The following SGCZ variants were observed in gnomAD, a reference collection of about 807,000 sequenced individuals.
SGCZ encodes the protein sarcoglycan zeta, also known as zeta-sarcoglycan.
A neutral mutation model predicts 41.3 loss-of-function variants in SGCZ; 40 were observed. The ratio of observed to expected loss-of-function variants is 0.97; its 90% CI spans 0.75 to 1.26. The LOEUF (loss-of-function observed/expected upper bound fraction) is 1.26, where lower values mean the gene tolerates loss of function less well. SGCZ is among the 50% of genes most tolerant of loss of function. The pLI is 0.00. For synonymous variants in SGCZ, 206 were observed against 137.5 expected, an observed-to-expected ratio of 1.50 and a Z score of -3.49; for missense variants, 552 against 369.8, an observed-to-expected ratio of 1.49 and a Z score of -4.04.
At chr8:14,177,143 C>T (rs1804567773) in intron 4 of SGCZ, among the ~76,000 whole-genome samples, 1 of 152,056 alleles carries the variant, frequency 6.6e-6, no homozygotes, top group Admixed American at 6.6e-5. Flanking sequence ...GTGGAGTTGC[C>T]TCGCTGCTTG....
At chr8:14,278,902 G>A (rs1187305374) in intron 3 of SGCZ, among the ~76,000 whole-genome samples, 1 of 152,100 alleles carries the variant, frequency 6.6e-6, no homozygotes, top group Non-Finnish European at 1.5e-5. Flanking sequence ...TAAATGGTCA[G>A]CCCACAAAAT....
intron 1 of SGCZ, among the ~76,000 whole-genome samples, chr8:14,716,788 C>T (rs1309435993): frequency 6.6e-6 from 1 of 152,016 alleles, no homozygotes; most frequent in Non-Finnish European, 1.5e-5. Flanking sequence ...CCTTGTGGCA[C>T]CAAATGGGAA....
At chr8:14,931,371 T>A (rs1323503392) in intron 1 of SGCZ, among the ~76,000 whole-genome samples, 3 of 152,094 alleles carry the variant, frequency 2.0e-5, no homozygotes, top group Non-Finnish European at 2.9e-5. Context: ...TTATTTGTGT[T>A]TTAACAATAA....
At chr8:15,073,357 G>T (rs1218500214) in intron 1 of SGCZ, among the ~76,000 whole-genome samples, 1 of 152,146 alleles carries the variant, frequency 6.6e-6, no homozygotes, top group Admixed American at 6.5e-5. Flanking sequence ...GAAGAGGAAA[G>T]AGAGAGGATG....
At chr8:14,846,530 TA>T (rs1393919094) in intron 1 of SGCZ, among the ~76,000 whole-genome samples, 1 of 151,900 alleles carries the variant, frequency 6.6e-6, no homozygotes. Context: ...AAAGAAAAAT[TA>T]AAACATATGA....
Position 14,980,866 on chromosome 8 carries a change from T to C in SGCZ, c.39+256719A>G, listed in dbSNP as rs772547181. ...AATAATCTGTCTCTCTATCTATCTT[T>C]TATCTATCCATGCATACTTGTGCTA... On this transcript the variant is annotated intron_variant, in intron 1 of 7. Coordinates refer to ENST00000382080, the MANE Select transcript of SGCZ (RefSeq NM_139167.4). 8.0e-3 allele frequency among the ~76,000 whole-genome samples: 1,212 copies of C among 152,300 alleles called. 11 individuals carry two copies. The highest frequency in any genetic ancestry group is 0.028 in the African/African-American group (1,157 of 41,578).
intron 5 of SGCZ, among the ~76,000 whole-genome samples, chr8:14,122,623 T>C (rs1245710584): frequency 6.6e-6 from 1 of 152,222 alleles, no homozygotes; most frequent in Non-Finnish European, 1.5e-5. Flanking sequence ...TAAAAATGAA[T>C]ATTAAATATC....
intron 1 of SGCZ, among the ~76,000 whole-genome samples, chr8:14,983,231 G>A (rs1801727696): frequency 1.3e-5 from 2 of 150,326 alleles, no homozygotes; most frequent in African/African-American, 4.9e-5. Flanking sequence ...TCTCGCCCAG[G>A]CTGGAGTGCA....
rs557879019 is a variant in SGCZ, at chr8:14,770,835, T to C, written c.40-215909A>G. 2.0e-5 allele frequency among the ~76,000 whole-genome samples: 3 copies of C among 152,214 alleles called. No individual in the cohort carries two copies. In the South Asian group the frequency reaches 6.2e-4, roughly 32 times the overall value. On this transcript the variant is annotated intron_variant, in intron 1 of 7. Transcript: ENST00000382080. ...TCTCTTAAAGGCACAAATAAATAAG[T>C]ACATGCCTGATGTATCCAGGGAATC...
At chr8:14,962,657 G>C (rs1358515857) in intron 1 of SGCZ, among the ~76,000 whole-genome samples, 1 of 152,118 alleles carries the variant, frequency 6.6e-6, no homozygotes, top group Admixed American at 6.6e-5. Context: ...AAGTAACACA[G>C]TCACTAATCA....
At chr8:14,114,050 T>C (rs1163785625) in intron 5 of SGCZ, among the ~76,000 whole-genome samples, 1 of 152,070 alleles carries the variant, frequency 6.6e-6, no homozygotes, top group Non-Finnish European at 1.5e-5. Context: ...TACTGGTATA[T>C]ATTTCTAACA....
intron 3 of SGCZ, among the ~76,000 whole-genome samples, chr8:14,245,544 T>C (rs1799055835): frequency 6.6e-6 from 1 of 152,152 alleles, no homozygotes; most frequent in Non-Finnish European, 1.5e-5. Context: ...GGCAAGGACT[T>C]CATGTCTAAA....
chr8:14,778,894 T>C, intron 1 of SGCZ, among the ~76,000 whole-genome samples: 1 of 152,206 alleles, frequency 6.6e-6, no homozygotes, highest in Non-Finnish European at 1.5e-5. Flanking sequence ...ATATCGCCAT[T>C]CGTGAAAACA....
At chr8:15,159,041 G>C (rs766324839) in intron 1 of SGCZ, among the ~76,000 whole-genome samples, 2 of 152,138 alleles carry the variant, frequency 1.3e-5, no homozygotes, top group Non-Finnish European at 2.9e-5. Flanking sequence ...CTTCAGGATG[G>C]GAGCTGGTCA....
chr8:14,110,781 A>C (rs1225915035), intron 5 of SGCZ, among the ~76,000 whole-genome samples: 2 of 152,114 alleles, frequency 1.3e-5, no homozygotes, highest in African/African-American at 4.8e-5. Context: ...GAAAATGCAC[A>C]GTGGCTCGTG....
At chr8:14,347,264 C>T (rs1802920825) in intron 2 of SGCZ, among the ~76,000 whole-genome samples, 3 of 152,236 alleles carry the variant, frequency 2.0e-5, no homozygotes, top group Middle Eastern at 3.4e-3. Flanking sequence ...GGCAGAATTC[C>T]TACACTGAAG....
intron 7 of SGCZ, among the ~76,000 whole-genome samples, chr8:14,098,511 C>T (rs1801913402): frequency 6.6e-6 from 1 of 152,078 alleles, no homozygotes; most frequent in African/African-American, 2.4e-5. Flanking sequence ...TTGTGTAGTT[C>T]AGTCCCTTTT....
At chr8:15,073,321 T>C (rs1805420454) in intron 1 of SGCZ, among the ~76,000 whole-genome samples, 1 of 152,202 alleles carries the variant, frequency 6.6e-6, no homozygotes, top group African/African-American at 2.4e-5. Context: ...AGTGCTATCC[T>C]AATTTTATTT....
chr8:14,598,899 T>G lies in SGCZ; in HGVS notation c.40-43973A>C, dbSNP rs375128925. On this transcript the variant is annotated intron_variant, in intron 1 of 7. Coordinates refer to ENST00000382080, the MANE Select transcript of SGCZ (RefSeq NM_139167.4). ...TCATTTAGGGAACTCCAGGCAATAC[T>G]CCCTCCCATGATTTAGATTTTAGTA... 5.3e-5 allele frequency among the ~76,000 whole-genome samples: 8 copies of G among 152,164 alleles called. No individual in the cohort carries two copies. In the East Asian group the frequency reaches 1.5e-3, roughly 29 times the overall value.
Sources: gnomAD v4.1 joint callset for allele counts (sites outside exome capture counted in the v4.1 genomes callset) on GRCh38, gnomAD v4.1.1 for gene constraint, MANE v1.5 for transcripts, NCBI Gene and HGNC (gene_info 2026-07-23, HGNC 2026-07-21) for gene names.